Variants in OLA1 observed in about 807,000 individuals in gnomAD.
OLA1 encodes obg-like ATPase 1.
OLA1 carries 14 observed loss-of-function variants against 48.4 expected under a neutral mutation model. That is an observed-to-expected ratio of 0.29 (90% CI 0.19 to 0.45). OLA1 has a LOEUF of 0.45. Ranked by LOEUF, OLA1 falls within the 20% of genes least tolerant of loss-of-function variation. OLA1 has a pLI of 1.00. For missense variants in OLA1, 325 were observed against 467.1 expected, an observed-to-expected ratio of 0.70 and a Z score of 2.80; for synonymous variants, 127 against 150.4, an observed-to-expected ratio of 0.84 and a Z score of 1.14.
At chr2:174,096,943 G>T (rs1685269585) in intron 7 of OLA1, among the ~76,000 whole-genome samples, 1 of 152,178 alleles carries the variant, frequency 6.6e-6, no homozygotes, top group Admixed American at 6.5e-5. Context: ...AGATCACGAG[G>T]TCAGGAGTTC....
chr2:174,109,516 A>C (rs962760493), intron 7 of OLA1, among the ~76,000 whole-genome samples: 1 of 152,244 alleles, frequency 6.6e-6, no homozygotes, highest in African/African-American at 2.4e-5. Context: ...TATTCCAGTA[A>C]CACTTAAAAG....
chr2:174,180,045 C>A (rs1173358648), intron 4 of OLA1, among the ~76,000 whole-genome samples: 1 of 151,974 alleles, frequency 6.6e-6, no homozygotes, highest in Non-Finnish European at 1.5e-5. Flanking sequence ...CTGAGTCTAA[C>A]AGACTAGGGC....
At chr2:174,145,715 T>C (rs1686579619) in intron 4 of OLA1, among the ~76,000 whole-genome samples, 1 of 152,222 alleles carries the variant, frequency 6.6e-6, no homozygotes, top group Non-Finnish European at 1.5e-5. Context: ...CTTACATTAG[T>C]GACAAAGTTC....
At chr2:174,108,907 T>G (rs1407223037) in intron 7 of OLA1, among the ~76,000 whole-genome samples, 1 of 152,214 alleles carries the variant, frequency 6.6e-6, no homozygotes, top group Non-Finnish European at 1.5e-5. Context: ...AGGCTGTTTG[T>G]GTTCACCATA....
At chr2:174,092,677 A>G (rs1269998407) in intron 7 of OLA1, among the ~76,000 whole-genome samples, 1 of 152,156 alleles carries the variant, frequency 6.6e-6, no homozygotes, top group African/African-American at 2.4e-5. Flanking sequence ...GAACATTCAG[A>G]GAAGCATGTA....
chr2:174,164,361 A>ACAG (rs1251532560), intron 4 of OLA1, among the ~76,000 whole-genome samples: 40 of 152,306 alleles, frequency 2.6e-4, no homozygotes, highest in African/African-American at 9.4e-4. Context: ...ACCATTCTGC[A>ACAG]TAGTGCAGAA....
chr2:174,084,255 G>C (rs928348494), intron 7 of OLA1, among the ~76,000 whole-genome samples: 1 of 152,156 alleles, frequency 6.6e-6, no homozygotes, highest in Non-Finnish European at 1.5e-5. Flanking sequence ...TGAGCACTGA[G>C]GTCTAAAGGT....
intron 2 of OLA1, among the ~76,000 whole-genome samples, chr2:174,242,980 A>T (rs1263555462): frequency 6.6e-6 from 1 of 151,638 alleles, no homozygotes. Context: ...GAGCCACCAC[A>T]CGGGGCAAGG....
chr2:174,138,899 G>T (rs114831823), intron 5 of OLA1, among the ~76,000 whole-genome samples: 1,686 of 152,176 alleles, frequency 0.011, 17 homozygotes, highest in Non-Finnish European at 0.018. Context: ...TATAATTTCT[G>T]GTAGTCTTTA....
intron 5 of OLA1, among the ~76,000 whole-genome samples, chr2:174,132,208 C>T (rs1439151120): frequency 6.6e-6 from 1 of 151,976 alleles, no homozygotes; most frequent in Non-Finnish European, 1.5e-5. Context: ...AACACATTTT[C>T]GTTCATAATG....
chr2:174,116,480 C>T (rs1391682490), intron 7 of OLA1, among the ~76,000 whole-genome samples: 1 of 152,150 alleles, frequency 6.6e-6, no homozygotes, highest in Non-Finnish European at 1.5e-5. Flanking sequence ...AAAGCAACAG[C>T]TGCCCACTAA....
At chr2:174,133,782 TA>T (rs138847619) in intron 5 of OLA1, among the ~76,000 whole-genome samples, 20,159 of 152,212 alleles carry the variant, frequency 0.13, 1,787 homozygotes, top group Non-Finnish European at 0.2. Flanking sequence ...TTTTAATTTT[TA>T]AAAAAATTAC....
At position 174,165,361 on chromosome 2, in the gene OLA1, G is replaced by A. The variant is rs574643715; in HGVS notation, c.374-23361C>T. Among the ~76,000 whole-genome samples, 86 of 152,202 alleles carry A rather than the reference G, an allele frequency of 5.7e-4. No homozygotes were observed. In the Middle Eastern group the frequency reaches 0.01, roughly 18 times the overall value. On this transcript the variant is annotated intron_variant, in intron 4 of 10. Transcript: ENST00000284719. Reference sequence around the variant, plus strand: ...AACTGACATAAGAGGTGAAAGAAAGGGTATGTTCAGGCCAACAACAGTCCT... The same window carrying A: ...AACTGACATAAGAGGTGAAAGAAAGAGTATGTTCAGGCCAACAACAGTCCT...
intron 2 of OLA1, among the ~76,000 whole-genome samples, chr2:174,231,738 G>A (rs1688733158): frequency 6.6e-6 from 1 of 152,110 alleles, no homozygotes; most frequent in Non-Finnish European, 1.5e-5. Flanking sequence ...CAAGTCATCT[G>A]TAGCTTCTAA....
At chr2:174,160,105 C>CA (rs1686976410) in intron 4 of OLA1, among the ~76,000 whole-genome samples, 2 of 151,972 alleles carry the variant, frequency 1.3e-5, no homozygotes, top group South Asian at 4.1e-4. Flanking sequence ...CTTGAAATAA[C>CA]AATATACATT....
rs1419953706 is a variant in OLA1, at chr2:174,144,930, T to TTAAAAAA, written c.374-2931_374-2930insTTTTTTA. Among the ~76,000 whole-genome samples the TTAAAAAA allele has an allele frequency of 3.9e-4, 16 of 41,106 alleles. 2 individuals are homozygous for TTAAAAAA. The highest frequency in any genetic ancestry group is 1.6e-3 in the African/African-American group (15 of 9,284). 27.0% of individuals were successfully genotyped at this position (41,106 alleles called of 152,430 possible). A position where few individuals can be genotyped will look rare whatever the true frequency, so the allele number is the denominator to read the frequency against. ...CTGGGCGACAGAGTAAGACCCTGTTTAAAAAAAAAAAAAAAAAAAAAATAT... is the reference window on the plus strand; with the variant it reads ...CTGGGCGACAGAGTAAGACCCTGTTTTAAAAAAAAAAAAAAAAAAAAAAAAAAAATAT... On this transcript the variant is annotated intron_variant, in intron 4 of 10. Transcript: ENST00000284719.
At chr2:174,143,013 T>C (rs1291512673) in intron 4 of OLA1, among the ~76,000 whole-genome samples, 2 of 152,070 alleles carry the variant, frequency 1.3e-5, no homozygotes, top group Non-Finnish European at 2.9e-5. Flanking sequence ...TTTGATTGAG[T>C]TTGGTAAGAG....
chr2:174,099,702 T>C (rs932208187), intron 7 of OLA1, among the ~76,000 whole-genome samples: 6 of 152,202 alleles, frequency 3.9e-5, no homozygotes, highest in African/African-American at 1.4e-4. Context: ...TGAAAATAAA[T>C]TGCCAAAATA....
At chr2:174,179,939 A>G (rs1352087025) in intron 4 of OLA1, among the ~76,000 whole-genome samples, 1 of 152,138 alleles carries the variant, frequency 6.6e-6, no homozygotes, top group Non-Finnish European at 1.5e-5. Flanking sequence ...AAATAGAAAA[A>G]TATCTTGATA....
Sources: gnomAD v4.1 joint callset for allele counts (sites outside exome capture counted in the v4.1 genomes callset) on GRCh38, gnomAD v4.1.1 for gene constraint, MANE v1.5 for transcripts, NCBI Gene and HGNC (gene_info 2026-07-23, HGNC 2026-07-21) for gene names.